The following MTPN variants were observed in gnomAD, a reference collection of about 807,000 sequenced individuals.
MTPN encodes myotrophin.
Under a neutral mutation model 13.5 loss-of-function variants are expected in MTPN, and 2 were observed. The observed-to-expected ratio is 0.15, with a 90% CI of 0.06 to 0.47. The LOEUF (loss-of-function observed/expected upper bound fraction) is 0.47. Among genes scored for constraint, MTPN ranks in the 20% least tolerant of loss-of-function variants. MTPN has a pLI of 0.97. For missense variants in MTPN, 79 were observed against 137.9 expected (o/e 0.57, Z 2.14); for synonymous variants, 46 against 51.7 (o/e 0.89, Z 0.48).
chr7:135,960,847 C>A (rs1452913259), intron 1 of MTPN: 2 of 151,050 alleles, frequency 1.3e-5, no homozygotes, highest in Non-Finnish European at 3.0e-5. Context: ...AGAAACTTAA[C>A]TTTAGAAAAC....
chr7:135,955,287 A>G (rs1799425079), intron 1 of MTPN, among the ~76,000 whole-genome samples: 1 of 152,192 alleles, frequency 6.6e-6, no homozygotes, highest in Non-Finnish European at 1.5e-5. Flanking sequence ...AGAAAAGAAT[A>G]AAGATCAGGG....
At chr7:135,937,421 G>A (rs1015365019) in intron 3 of MTPN, among the ~76,000 whole-genome samples, 9 of 125,132 alleles carry the variant, frequency 7.2e-5, no homozygotes, top group Non-Finnish European at 1.0e-4. Context: ...TCTCTCTCTT[G>A]AACCAAATAT....
intron 3 of MTPN, among the ~76,000 whole-genome samples, chr7:135,938,247 T>C (rs28522848): frequency 0.28 from 43,217 of 152,174 alleles, 6,395 homozygotes; most frequent in African/African-American, 0.31. Flanking sequence ...CATATGCATA[T>C]GGATTTACCT....
chr7:135,933,799 A>ATAAT (rs1356621870), intron 3 of MTPN, among the ~76,000 whole-genome samples: 1 of 152,232 alleles, frequency 6.6e-6, no homozygotes, highest in Non-Finnish European at 1.5e-5. Flanking sequence ...AAGTCAAACT[A>ATAAT]TAATTCCCAA....
intron 3 of MTPN, among the ~76,000 whole-genome samples, 182 bp from the exon 4 acceptor site, chr7:135,930,194 G>C (rs1798996459): frequency 6.6e-6 from 1 of 152,152 alleles, no homozygotes; most frequent in South Asian, 2.1e-4. Flanking sequence ...TTATAAAAAT[G>C]CCACATTATT....
chr7:135,962,132 TATAAC>T lies in MTPN; in HGVS notation c.73-10507_73-10503del, dbSNP rs1320871809. Among the ~76,000 whole-genome samples, 17 of 151,882 alleles carry T rather than the reference TATAAC, an allele frequency of 1.1e-4. No individual in the cohort carries two copies. In the East Asian group the frequency reaches 2.7e-3, roughly 24 times the overall value. ...TCACTGAATATCAACAAAATATAAT[TATAAC>T]AGAACAAAGAAAACTTCAATACATT... On this transcript the variant is annotated intron_variant, in intron 1 of 3. Transcript: ENST00000393085.
chr7:135,944,213 T>C (rs987966959), intron 3 of MTPN, among the ~76,000 whole-genome samples: 1 of 152,156 alleles, frequency 6.6e-6, no homozygotes, highest in Non-Finnish European at 1.5e-5. Flanking sequence ...TTCCCCACAA[T>C]ACCCCATAGT....
At chr7:135,959,609 A>T (rs909489622) in intron 1 of MTPN, among the ~76,000 whole-genome samples, 10 of 152,162 alleles carry the variant, frequency 6.6e-5, no homozygotes, top group African/African-American at 2.4e-4. Flanking sequence ...AACTATTTTT[A>T]ATCCAGAGAA....
intron 3 of MTPN, chr7:135,932,511 A>G (rs1342864699): frequency 6.6e-6 from 1 of 152,120 alleles, no homozygotes; most frequent in African/African-American, 2.4e-5. Context: ...ATGCAAACTT[A>G]TCGCAGAAAA....
chr7:135,972,232 CA>C (rs1799707985), intron 1 of MTPN, among the ~76,000 whole-genome samples: 1 of 90,864 alleles, frequency 1.1e-5, no homozygotes, highest in Non-Finnish European at 2.3e-5. Flanking sequence ...CACGCGCGCG[CA>C]CACACACACA....
chr7:135,929,796 TTC>T lies in MTPN; in HGVS notation c.*128_*129del. 2.2e-6 allele frequency: 2 copies of T among 901,376 alleles called. No homozygotes were observed. The highest frequency in any genetic ancestry group is 3.3e-5 in the African/African-American group (2 of 59,818). 55.8% of individuals were successfully genotyped at this position (901,376 alleles called of 1,614,324 possible). A position where few individuals can be genotyped will look rare whatever the true frequency, so the allele number is the denominator to read the frequency against. On this transcript the variant is annotated 3_prime_UTR_variant, in exon 4 of 4. Transcript: ENST00000393085. The stretch of plus-strand genomic sequence containing the variant: ...TCTGGTAGTCGGATTTGTTATGAAT[TTC>T]TCTCTCCCCTCACCCCTCTTAAAGT...
At chr7:135,975,558 A>G (rs188948383) in intron 1 of MTPN, among the ~76,000 whole-genome samples, 2 of 152,366 alleles carry the variant, frequency 1.3e-5, no homozygotes, top group East Asian at 3.9e-4. Context: ...TTATTTTGGT[A>G]GCTGTAAGTT....
chr7:135,970,817 T>C (rs1334611244), intron 1 of MTPN, among the ~76,000 whole-genome samples: 1 of 152,178 alleles, frequency 6.6e-6, no homozygotes, highest in African/African-American at 2.4e-5. Context: ...TACTAATGTT[T>C]CTCTGTCTAC....
intron 1 of MTPN, among the ~76,000 whole-genome samples, chr7:135,958,031 C>T (rs559834887): frequency 8.6e-5 from 13 of 150,450 alleles, no homozygotes; most frequent in African/African-American, 2.0e-4. Flanking sequence ...CAACCCTAAA[C>T]GGACTAAAAC....
At position 135,959,585 on chromosome 7, in the gene MTPN, G is replaced by A. The variant is rs1239674662; in HGVS notation, c.73-7955C>T. Among the ~76,000 whole-genome samples the A allele has an allele frequency of 2.0e-5, 3 of 152,072 alleles. No homozygotes were observed. The East Asian group carries it at 5.8e-4, about 29-fold the overall frequency. On this transcript the variant is annotated intron_variant, in intron 1 of 3. Coordinates refer to ENST00000393085, the MANE Select transcript of MTPN (RefSeq NM_145808.4). ...ATGATATTATTCTCATGAAAATTTGGTGAGTGTGCCATCAACTATTTTTAA... is the reference window on the plus strand; with the variant it reads ...ATGATATTATTCTCATGAAAATTTGATGAGTGTGCCATCAACTATTTTTAA...
At chr7:135,968,871 G>A (rs1332043159) in intron 1 of MTPN, among the ~76,000 whole-genome samples, 1 of 151,916 alleles carries the variant, frequency 6.6e-6, no homozygotes, top group Non-Finnish European at 1.5e-5. Flanking sequence ...GAATGTGAGA[G>A]GGAGATACTA....
chr7:135,945,119 A>G (rs962959238), intron 3 of MTPN, among the ~76,000 whole-genome samples: 11 of 152,214 alleles, frequency 7.2e-5, no homozygotes, highest in Admixed American at 1.3e-4. Flanking sequence ...ACAGTATAAA[A>G]GATAAAAATG....
Position 135,929,417 on chromosome 7 carries a change from G to T in MTPN, c.*509C>A, listed in dbSNP as rs1160004615. ...GATTTGGTCACCAACCTTATAGGCA[G>T]CGCTCTTAACTATGCCAGGAAATCC... On this transcript the variant is annotated 3_prime_UTR_variant, in exon 4 of 4. Transcript: ENST00000393085. The T allele has an allele frequency of 1.2e-5, 2 of 168,148 alleles. No individual in the cohort carries two copies. The highest frequency in any genetic ancestry group is 4.8e-5 in the African/African-American group (2 of 41,418). The allele number at this position is 168,148 out of a possible 1,614,324, so 10.4% of individuals were successfully genotyped here. A position where few individuals can be genotyped will look rare whatever the true frequency, so the allele number is the denominator to read the frequency against.
At position 135,929,199 on chromosome 7, in the gene MTPN, C is replaced by T. The variant is rs936519375; in HGVS notation, c.*727G>A. The T allele has an allele frequency of 6.0e-6, 1 of 166,882 alleles. No homozygotes were observed. Among genetic ancestry groups the T allele is most frequent in the Non-Finnish European group, 1.5e-5 (1 of 68,094 alleles). The allele number at this position is 166,882 out of a possible 1,614,324, so 10.3% of individuals were successfully genotyped here. A position where few individuals can be genotyped will look rare whatever the true frequency, so the allele number is the denominator to read the frequency against. On this transcript the variant is annotated 3_prime_UTR_variant, in exon 4 of 4. Coordinates refer to ENST00000393085, the MANE Select transcript of MTPN (RefSeq NM_145808.4). ...TCTAGAGGAGAAAAAAATATGCATA[C>T]TGGAATGGTTTCTCCTTTAGACTTC...
Sources: allele counts gnomAD v4.1 joint callset (sites outside exome capture counted in the v4.1 genomes callset), GRCh38; gene constraint gnomAD v4.1.1; transcripts MANE v1.5; gene names NCBI Gene and HGNC (gene_info 2026-07-23, HGNC 2026-07-21).